Variants in COL16A1 observed in about 807,000 individuals in gnomAD.
COL16A1 encodes collagen type XVI alpha 1 chain, also known as collagen alpha-1(XVI) chain.
COL16A1 carries 189 observed loss-of-function variants against 266.3 expected under a neutral mutation model. The ratio of observed to expected loss-of-function variants is 0.71; its 90% CI spans 0.63 to 0.80. The LOEUF is 0.80. COL16A1 is among the 30% of genes least tolerant of loss of function. COL16A1 has a pLI of 0.00. For synonymous variants in COL16A1, 740 were observed against 782.3 expected (o/e 0.95, Z 0.90); for missense variants, 1,928 against 2,122.4 (o/e 0.91, Z 1.80).
In COL16A1 at chr1:31,695,200, C is replaced by T; in HGVS notation, c.967G>A (p.Ala323Thr). 1 of 1,613,896 alleles carries T rather than the reference C, an allele frequency of 6.2e-7. No individual in the cohort carries two copies. The highest frequency in any genetic ancestry group is 8.5e-7 in the Non-Finnish European group (1 of 1,179,960). The change falls in exon 11 of 71, where the codon GCC becomes ACC. Residue 323 changes from alanine to threonine, a missense_variant. By Grantham distance (58) the Ala-to-Thr change is moderately conservative. This residue lies in a region of COL16A1 where 1,552 missense variants were observed against 1,637.2 expected (regional missense o/e 0.95). Coordinates refer to ENST00000373672, the MANE Select transcript of COL16A1 (RefSeq NM_001856.4). ...ADECPPCVHG[A>T]RDSNVTLAPS... ...CATTCACTCACATTGCTGTCCCGGG[C>T]ACCATGGACACAGGGCGGACACTGA...
At position 31,670,747 on chromosome 1, in the gene COL16A1, CA is replaced by C. The variant is rs1181369187; in HGVS notation, c.3151-102del. 72 of 966,002 alleles carry C rather than the reference CA, an allele frequency of 7.5e-5. No individual in the cohort carries two copies. In the Middle Eastern group the frequency reaches 1.4e-3, roughly 18 times the overall value. 59.8% of individuals were successfully genotyped at this position (966,002 alleles called of 1,614,324 possible). On this transcript the variant is annotated intron_variant, in intron 48 of 70. Transcript: ENST00000373672. The surrounding 1 kb of genome is among the most constrained non-coding windows in gnomAD (Gnocchi z 4.5). ...CTTGGGGGTCATGGGGAGAGGAGGT[CA>C]TGGGAGTATTTTCAAGGCAGCTGGA...
In COL16A1 at chr1:31,652,454, C is replaced by T. The variant is rs974325108; in HGVS notation, c.*197G>A. On this transcript the variant is annotated 3_prime_UTR_variant, in exon 71 of 71. Coordinates refer to ENST00000373672, the MANE Select transcript of COL16A1 (RefSeq NM_001856.4). The surrounding 1 kb of genome is among the most constrained non-coding windows in gnomAD (Gnocchi z 4.8). ...ACGGGAAAAGGAGGGCAACAGGGAG[C>T]TCTGGCTGCAGCACCAGAGGAACCC... 3 of 570,098 alleles carry T rather than the reference C, an allele frequency of 5.3e-6. No individual in the cohort carries two copies. The African/African-American group carries it at 5.8e-5, about 11-fold the overall frequency. 35.3% of individuals were successfully genotyped at this position (570,098 alleles called of 1,614,324 possible). A position where few individuals can be genotyped will look rare whatever the true frequency, so the allele number is the denominator to read the frequency against.
At position 31,685,672 on chromosome 1, in the gene COL16A1, A is replaced by T; in HGVS notation, c.1983T>A (p.Pro661=). The part of the protein sequence containing the change: ...LPGPSGEKGE[P]GPPGFGLPGK... The stretch of plus-strand genomic sequence containing the variant: ...CTGGCAAGCCAAAGCCTGGAGGCCC[A>T]GGTTCCCCCTTCTCTCCGGATGGGC... Residue 661 remains proline (P), a synonymous_variant, in exon 29 of 71, where the codon CCT becomes CCA. Transcript: ENST00000373672. This position sits in a 1 kb window ranked among gnomAD's most constrained non-coding sequence, Gnocchi z 4.0. 6.2e-7 allele frequency: 1 copy of T among 1,613,896 alleles called. No homozygotes were observed. Among genetic ancestry groups the T allele is most frequent in the Non-Finnish European group, 8.5e-7 (1 of 1,179,968 alleles).
At chr1:31,691,121 G>C in intron 20 of COL16A1, 67 bp downstream of exon 20, 1 of 1,571,288 alleles carries the variant, frequency 6.4e-7, no homozygotes. Flanking sequence ...AAGCTGCCCC[G>C]GCCCCTTCTC....
Position 31,668,976 on chromosome 1 carries a change from C to T in COL16A1, c.3196-121G>A. The T allele has an allele frequency of 1.2e-6, 1 of 827,124 alleles. No homozygotes were observed. Among genetic ancestry groups the T allele is most frequent in the Non-Finnish European group, 1.9e-6 (1 of 529,226 alleles). 51.2% of individuals were successfully genotyped at this position (827,124 alleles called of 1,614,324 possible). ...CAGGCAAATATGGAGGCCATAGTGGCTCTCGTAGTGTCCCTAGAAGGTGAC... is the reference window on the plus strand; with the variant it reads ...CAGGCAAATATGGAGGCCATAGTGGTTCTCGTAGTGTCCCTAGAAGGTGAC... On this transcript the variant is annotated intron_variant, in intron 49 of 70. Coordinates refer to ENST00000373672, the MANE Select transcript of COL16A1 (RefSeq NM_001856.4). The surrounding 1 kb of genome is among the most constrained non-coding windows in gnomAD (Gnocchi z 5.8).
At position 31,670,266 on chromosome 1, in the gene COL16A1, A is replaced by G; in HGVS notation, c.3195+336T>C. ...AATGGAGGGGCCCCCTAGAGGCACC[A>G]GCTTAAGAGGAAGGTTCACGAGCTC... On this transcript the variant is annotated intron_variant, in intron 49 of 70. Coordinates refer to ENST00000373672, the MANE Select transcript of COL16A1 (RefSeq NM_001856.4). The surrounding 1 kb of genome is among the most constrained non-coding windows in gnomAD (Gnocchi z 4.5). 1 of 301,454 alleles carries G rather than the reference A, an allele frequency of 3.3e-6. No individual in the cohort carries two copies. Among genetic ancestry groups the G allele is most frequent in the Non-Finnish European group, 6.1e-6 (1 of 164,984 alleles). The allele number at this position is 301,454 out of a possible 1,614,324, so 18.7% of individuals were successfully genotyped here.
chr1:31,686,681 C>T (rs1643994051), intron 26 of COL16A1, among the ~76,000 whole-genome samples: 1 of 152,238 alleles, frequency 6.6e-6, no homozygotes, highest in Non-Finnish European at 1.5e-5. Flanking sequence ...TCATTTTAAA[C>T]AGTGGTGAGT....
At position 31,670,014 on chromosome 1, in the gene COL16A1, GA is replaced by G; in HGVS notation, c.3195+587del. ...GCTGAGAGTTTCCTCTAGGACGACG[GA>G]AAAGGCGCAGGAAGGGCTGCCTTTA... On this transcript the variant is annotated intron_variant, in intron 49 of 70. Transcript: ENST00000373672. The surrounding 1 kb of genome is among the most constrained non-coding windows in gnomAD (Gnocchi z 4.5). 1 of 152,502 alleles carries G rather than the reference GA, an allele frequency of 6.6e-6. No individual in the cohort carries two copies. The highest frequency in any genetic ancestry group is 2.1e-4 in the South Asian group (1 of 4,830). 9.4% of individuals were successfully genotyped at this position (152,502 alleles called of 1,614,324 possible).
rs997124491 is a variant in COL16A1, at chr1:31,680,231, T to C, written c.2611-130A>G. On this transcript the variant is annotated intron_variant, in intron 39 of 70. Coordinates refer to ENST00000373672, the MANE Select transcript of COL16A1 (RefSeq NM_001856.4). Reference sequence around the variant, plus strand: ...TCAATCCAGGATCTGCCTCTTCTAATGTGCCCTTAGGCAACCTGTTCAAAC... The same window carrying C: ...TCAATCCAGGATCTGCCTCTTCTAACGTGCCCTTAGGCAACCTGTTCAAAC... The C allele has an allele frequency of 4.2e-5, 58 of 1,395,458 alleles. 1 individual carries two copies. The highest frequency in any genetic ancestry group is 7.5e-5 in the East Asian group (3 of 39,974). 86.4% of individuals were successfully genotyped at this position (1,395,458 alleles called of 1,614,324 possible). A position where few individuals can be genotyped will look rare whatever the true frequency, so the allele number is the denominator to read the frequency against.
chr1:31,679,864 G>A lies in COL16A1; in HGVS notation c.2671-13C>T. 1 of 1,508,208 alleles carries A rather than the reference G, an allele frequency of 6.6e-7. No individual in the cohort carries two copies. The allele number at this position is 1,508,208 out of a possible 1,614,324, so 93.4% of individuals were successfully genotyped here. A position where few individuals can be genotyped will look rare whatever the true frequency, so the allele number is the denominator to read the frequency against. On this transcript the variant is annotated splice_polypyrimidine_tract_variant and intron_variant, in intron 40 of 70. Transcript: ENST00000373672. ...GTCCCGGAGCACCCTGGGTGGGAGT[G>A]GGGGTCGCAAAAGAAGGGGAGAGGT... is the stretch of plus-strand genomic sequence containing the variant.
rs759957986 is a variant in COL16A1 at position 31,672,776 on chromosome 1, T to C, written c.2924A>G (p.Glu975Gly). Residue 975 changes from glutamate to glycine, a missense_variant, in exon 45 of 71, where the codon GAG becomes GGG. Around this residue, in one of 2 missense-constraint regions of COL16A1, gnomAD observed 1,552 missense variants for 1,637.2 expected, o/e 0.95. Transcript: ENST00000373672. The part of the protein sequence containing the change: ...AHPGYLVEKG[E>G]KGDQGIPGVP... ...ACCAGGGATGCCCTGGTCTCCCTTC[T>C]CTCCCTTCTCCACGAGGTACCCTGG... is the stretch of plus-strand genomic sequence containing the variant. 2.7e-5 allele frequency: 44 copies of C among 1,614,032 alleles called. 2 individuals carry two copies. The South Asian group carries it at 4.7e-4, about 17-fold the overall frequency.
intron 52 of COL16A1, 189 bp from the exon 53 acceptor site, chr1:31,666,270 A>G (rs1642137181): frequency 1.6e-6 from 1 of 631,286 alleles, no homozygotes; most frequent in Admixed American, 3.2e-5. Flanking sequence ...CAGCCTCCTA[A>G]CTCGTCCTGC....
intron 53 of COL16A1, 35 bp downstream of exon 53, chr1:31,666,002 C>G: frequency 6.2e-7 from 1 of 1,613,638 alleles, no homozygotes; most frequent in Non-Finnish European, 8.5e-7. Flanking sequence ...AGGACAAGAC[C>G]AGGACCACAT....
chr1:31,656,501 G>A lies in COL16A1; in HGVS notation c.4057-57C>T. On this transcript the variant is annotated intron_variant, in intron 65 of 70. Transcript: ENST00000373672. The surrounding 1 kb of genome is among the most constrained non-coding windows in gnomAD (Gnocchi z 4.2). ...CGGGCAGCATCTCTGAGGCTCCCTG[G>A]GGAGGCAGGTGCAGTGAAGAGGCCC... is the stretch of plus-strand genomic sequence containing the variant. The A allele has an allele frequency of 6.3e-7, 1 of 1,595,550 alleles. No individual in the cohort carries two copies. The highest frequency in any genetic ancestry group is 8.5e-7 in the Non-Finnish European group (1 of 1,171,272).
chr1:31,687,638 A>T (rs185519014), intron 26 of COL16A1, among the ~76,000 whole-genome samples: 1 of 150,734 alleles, frequency 6.6e-6, no homozygotes, highest in Admixed American at 6.6e-5. Context: ...GGGAGGGGGC[A>T]GCGTCAGGAG....
At chr1:31,662,955 G>A (rs1362796716) in intron 56 of COL16A1, 5 of 520,770 alleles carry the variant, frequency 9.6e-6, no homozygotes, top group Non-Finnish European at 1.7e-5. Context: ...AGTAGCATGT[G>A]CTGAACTGAA....
intron 52 of COL16A1, chr1:31,666,332 C>T: frequency 1.8e-6 from 1 of 553,910 alleles, no homozygotes; most frequent in South Asian, 2.4e-5. Context: ...CTCTTCTCCT[C>T]CAGCATAGCT....
intron 12 of COL16A1, 56 bp from the exon 13 acceptor site, chr1:31,693,210 A>G: frequency 8.5e-7 from 1 of 1,172,070 alleles, no homozygotes. Flanking sequence ...GGGAGCCTTG[A>G]GAAAGCTCTC....
At chr1:31,690,475 C>G in intron 21 of COL16A1, 54 bp downstream of exon 21, 1 of 1,614,192 alleles carries the variant, frequency 6.2e-7, no homozygotes, top group East Asian at 2.2e-5. Flanking sequence ...CTAGCCCCTC[C>G]CTCCAGAGGC....
Sources: gnomAD v4.1 joint callset for allele counts (sites outside exome capture counted in the v4.1 genomes callset) on GRCh38, gnomAD v4.1.1 for gene constraint, gnomAD v4.1.1 regional missense constraint, Gnocchi (gnomAD v3.1) non-coding constraint, MANE v1.5 for transcripts, NCBI Gene and HGNC (gene_info 2026-07-23, HGNC 2026-07-21) for gene names.